Variants in GREB1L observed in about 807,000 individuals in gnomAD.
GREB1L encodes the protein GREB1 like retinoic acid receptor coactivator.
A neutral mutation model predicts 200.8 loss-of-function variants in GREB1L; 17 were observed. The ratio of observed to expected loss-of-function variants is 0.08; its 90% CI spans 0.06 to 0.13. GREB1L has a LOEUF of 0.13. GREB1L is among the 10% of genes least tolerant of loss of function. The pLI is 1.00. For synonymous variants in GREB1L, 789 were observed against 893.0 expected (o/e 0.88, Z 2.08); for missense variants, 1,657 against 2,367.7 (o/e 0.70, Z 6.23).
In GREB1L at chr18:21,327,404, C is replaced by A. The variant is rs2039038720; in HGVS notation, c.-119-38623C>A. Among the ~76,000 whole-genome samples, 5 of 152,250 alleles carry A rather than the reference C, an allele frequency of 3.3e-5. No individual in the cohort carries two copies. In the South Asian group the frequency reaches 1.0e-3, roughly 32 times the overall value. On this transcript the variant is annotated intron_variant, in intron 1 of 32. Transcript: ENST00000424526. ...CTGTCGACTCAGCATCCTACGTAAGCCTTAAATAAACGACATCTCAGCTCC... is the reference window on the plus strand; with the variant it reads ...CTGTCGACTCAGCATCCTACGTAAGACTTAAATAAACGACATCTCAGCTCC...
chr18:21,498,736 G>A (rs1271935422), intron 21 of GREB1L, among the ~76,000 whole-genome samples: 2 of 152,158 alleles, frequency 1.3e-5, no homozygotes, highest in African/African-American at 2.4e-5. Flanking sequence ...AGAGGGTGAC[G>A]GGGAGGTTCA....
chr18:21,316,361 T>A (rs2038868753), intron 1 of GREB1L, among the ~76,000 whole-genome samples: 1 of 152,204 alleles, frequency 6.6e-6, no homozygotes, highest in African/African-American at 2.4e-5. Context: ...AGAAGATAGA[T>A]CTGGCTCAAA....
intron 1 of GREB1L, among the ~76,000 whole-genome samples, chr18:21,307,919 G>A (rs774066122): frequency 1.6e-4 from 25 of 152,184 alleles, no homozygotes; most frequent in Admixed American, 7.8e-4. Flanking sequence ...CTCCAGGAGT[G>A]GTAACAGTTC....
chr18:21,412,690 T>TGACA (rs2144724966), intron 7 of GREB1L, among the ~76,000 whole-genome samples: 1 of 152,212 alleles, frequency 6.6e-6, no homozygotes, highest in East Asian at 1.9e-4. Context: ...TACTGGCTGC[T>TGACA]GACAGTATTT....
chr18:21,262,980 T>C (rs1252131402), intron 1 of GREB1L, among the ~76,000 whole-genome samples: 1 of 152,206 alleles, frequency 6.6e-6, no homozygotes, highest in Admixed American at 6.5e-5. Flanking sequence ...ACATTCTGCT[T>C]TAACAAATTA....
intron 7 of GREB1L, among the ~76,000 whole-genome samples, chr18:21,424,546 G>A (rs370750011): frequency 6.6e-5 from 10 of 152,226 alleles, no homozygotes; most frequent in East Asian, 5.8e-4. Flanking sequence ...TCCAGCCTGG[G>A]TGACAGAGTG....
At chr18:21,280,237 T>C (rs1186307475) in intron 1 of GREB1L, among the ~76,000 whole-genome samples, 1 of 152,246 alleles carries the variant, frequency 6.6e-6, no homozygotes, top group Non-Finnish European at 1.5e-5. Context: ...TGGGCAACCA[T>C]AGGTCTTACT....
intron 2 of GREB1L, among the ~76,000 whole-genome samples, chr18:21,379,121 A>G (rs2040198115): frequency 6.6e-6 from 1 of 152,262 alleles, no homozygotes; most frequent in Middle Eastern, 3.4e-3. Flanking sequence ...AGTTGAAGAG[A>G]TTGAGATTAT....
chr18:21,490,252 G>A lies in GREB1L; in HGVS notation c.2931G>A (p.Glu977=), dbSNP rs1246956080. Residue 977 remains glutamate (E), a synonymous_variant, in exon 19 of 33, where the codon GAG becomes GAA. Transcript: ENST00000424526. The part of the protein sequence containing the change: ...LAMLAKERLQ[E]VRDKLGLQYR... ...TGTTAGCCAAGGAGCGGCTACAGGA[G>A]GTGCGCGACAAACTGGGTCTGCAGT... 2.6e-6 allele frequency: 4 copies of A among 1,551,756 alleles called. No homozygotes were observed. The highest frequency in any genetic ancestry group is 3.9e-5 in the Admixed American group (2 of 50,984).
intron 15 of GREB1L, chr18:21,455,060 T>G (rs769141580): frequency 1.0e-4 from 16 of 154,594 alleles, no homozygotes; most frequent in Non-Finnish European, 1.7e-4. Context: ...CTAATAACTT[T>G]AAGTGTAAAG....
intron 15 of GREB1L, among the ~76,000 whole-genome samples, chr18:21,455,782 A>T (rs1299873467): frequency 6.6e-6 from 1 of 151,374 alleles, no homozygotes; most frequent in Non-Finnish European, 1.5e-5. Flanking sequence ...ATATGTTCAT[A>T]CCTGTCATAT....
At chr18:21,365,901 CTT>C (rs2039666905) in intron 1 of GREB1L, 124 bp from the exon 2 acceptor site, 1 of 151,802 alleles carries the variant, frequency 6.6e-6, no homozygotes, top group Admixed American at 6.6e-5. Context: ...AAGTGTGAGA[CTT>C]TGATAATTTC....
In GREB1L at chr18:21,496,577, T is replaced by G. The variant is rs1568059335; in HGVS notation, c.3270T>G (p.Val1090=). 1 of 1,551,700 alleles carries G rather than the reference T, an allele frequency of 6.4e-7. No homozygotes were observed. Among genetic ancestry groups the G allele is most frequent in the Non-Finnish European group, 8.7e-7 (1 of 1,146,998 alleles). ...VSKEVIRGPT[V]ALDLSGKEQE... ...AAGAGGTCATCCGGGGACCCACTGT[T>G]GCCCTGGACCTCAGCGGGAAGGAGC... The change falls in exon 21 of 33, where the codon GTT becomes GTG. Residue 1090 remains valine (V), a synonymous_variant. Transcript: ENST00000424526.
intron 16 of GREB1L, among the ~76,000 whole-genome samples, chr18:21,473,622 A>AGC (rs1277366094): frequency 6.6e-6 from 1 of 151,848 alleles, no homozygotes; most frequent in East Asian, 1.9e-4. Context: ...GTGATTCCAA[A>AGC]GCCCAGGGAC....
chr18:21,323,202 G>A (rs138663618), intron 1 of GREB1L, among the ~76,000 whole-genome samples: 410 of 152,094 alleles, frequency 2.7e-3, no homozygotes, highest in Non-Finnish European at 4.3e-3. Flanking sequence ...TGGGAGGATT[G>A]CTTGAGCCCG....
intron 1 of GREB1L, among the ~76,000 whole-genome samples, chr18:21,346,305 A>C (rs1598679180): frequency 6.6e-6 from 1 of 151,580 alleles, no homozygotes; most frequent in African/African-American, 2.4e-5. Context: ...GTTTCTAAAC[A>C]CTCTCCCTGC....
chr18:21,521,580 G>C (rs1184631936), intron 32 of GREB1L, among the ~76,000 whole-genome samples: 1 of 152,058 alleles, frequency 6.6e-6, no homozygotes, highest in African/African-American at 2.4e-5. Context: ...ATTGGGGATG[G>C]GGGAGTGGTA....
At chr18:21,278,389 A>AAAATAAATAAAT (rs67061918) in intron 1 of GREB1L, among the ~76,000 whole-genome samples, 12 of 125,620 alleles carry the variant, frequency 9.6e-5, no homozygotes, top group Non-Finnish European at 1.7e-4. Flanking sequence ...TCAAAAAAAA[A>AAAATAAATAAAT]AAATAAATAA....
intron 18 of GREB1L, among the ~76,000 whole-genome samples, chr18:21,486,928 G>GA (rs1182116707): frequency 6.6e-6 from 1 of 152,006 alleles, no homozygotes; most frequent in Non-Finnish European, 1.5e-5. Context: ...ATTTTGCTAA[G>GA]AAAAAAGAAA....
Sources: allele counts gnomAD v4.1 joint callset (sites outside exome capture counted in the v4.1 genomes callset), GRCh38; gene constraint gnomAD v4.1.1; transcripts MANE v1.5; gene names NCBI Gene and HGNC (gene_info 2026-07-23, HGNC 2026-07-21).